Variants in LUZP2 observed in about 807,000 individuals in gnomAD.
LUZP2 encodes leucine zipper protein 2.
LUZP2 carries 52 observed loss-of-function variants against 51.6 expected under a neutral mutation model. The observed-to-expected ratio is 1.01, with a 90% CI of 0.81 to 1.27. The LOEUF is 1.27. LUZP2 is among the 50% of genes most tolerant of loss of function. LUZP2 has a pLI of 0.00. For synonymous variants in LUZP2, 154 were observed against 137.3 expected (o/e 1.12, Z -0.85); for missense variants, 436 against 395.4 (o/e 1.10, Z -0.87).
intron 9 of LUZP2, among the ~76,000 whole-genome samples, chr11:25,005,758 G>T (rs559569875): frequency 9.2e-5 from 14 of 152,262 alleles, no homozygotes; most frequent in African/African-American, 2.9e-4. Context: ...GTCGGATTTA[G>T]TGGCCCTTAC....
intron 1 of LUZP2, among the ~76,000 whole-genome samples, chr11:24,630,062 C>T (rs931242574): frequency 1.3e-5 from 2 of 151,108 alleles, no homozygotes; most frequent in South Asian, 2.1e-4. Context: ...TTTACTGAGT[C>T]GTTGAAGTTT....
chr11:24,527,567 T>TCTCTCACACA lies in LUZP2; in HGVS notation c.62+30263_62+30264insTCTCACACAC, dbSNP rs796404136. Among the ~76,000 whole-genome samples, 114 of 131,644 alleles carry TCTCTCACACA rather than the reference T, an allele frequency of 8.7e-4. 1 individual carries two copies. The South Asian group carries it at 0.02, about 23-fold the overall frequency. 86.4% of individuals were successfully genotyped at this position (131,644 alleles called of 152,430 possible). On this transcript the variant is annotated intron_variant, in intron 1 of 11. Transcript: ENST00000336930. ...AAATAAGAATCTCTCTCTCTCTCTCTCACACACACACACACACACACACAC... is the reference window on the plus strand; with the variant it reads ...AAATAAGAATCTCTCTCTCTCTCTCTCTCTCACACACACACACACACACACACACACACAC...
At chr11:24,894,496 T>C (rs1852969571) in intron 5 of LUZP2, among the ~76,000 whole-genome samples, 1 of 151,952 alleles carries the variant, frequency 6.6e-6, no homozygotes, top group South Asian at 2.1e-4. Context: ...ACTTTTATTA[T>C]AGATTAAAGG....
intron 9 of LUZP2, among the ~76,000 whole-genome samples, chr11:25,025,584 C>T (rs571622735): frequency 6.6e-6 from 1 of 152,170 alleles, no homozygotes; most frequent in East Asian, 1.9e-4. Context: ...AAATCAAAAC[C>T]ACAATGAGAT....
chr11:24,959,417 C>T (rs1326120264), intron 7 of LUZP2, among the ~76,000 whole-genome samples: 1 of 152,028 alleles, frequency 6.6e-6, no homozygotes, highest in Admixed American at 6.6e-5. Context: ...TGTTTGTATC[C>T]TCTTTTATTT....
chr11:24,926,096 C>A (rs980240181), intron 7 of LUZP2, among the ~76,000 whole-genome samples: 1 of 151,330 alleles, frequency 6.6e-6, no homozygotes, highest in Non-Finnish European at 1.5e-5. Context: ...TGATGAGTAT[C>A]CCATGGTGTG....
intron 1 of LUZP2, among the ~76,000 whole-genome samples, chr11:24,562,993 A>G (rs11028020): frequency 0.41 from 62,420 of 152,128 alleles, 13,272 homozygotes; most frequent in Middle Eastern, 0.51. Flanking sequence ...TCTGCAAACT[A>G]CTTGCAAAAA....
intron 5 of LUZP2, among the ~76,000 whole-genome samples, chr11:24,902,069 C>A (rs539082276): frequency 6.6e-6 from 1 of 152,138 alleles, no homozygotes; most frequent in African/African-American, 2.4e-5. Flanking sequence ...TTATTTAGTC[C>A]AAAGGGTTTT....
intron 1 of LUZP2, among the ~76,000 whole-genome samples, chr11:24,532,552 C>T (rs926028062): frequency 1.3e-5 from 2 of 150,946 alleles, no homozygotes; most frequent in Admixed American, 6.6e-5. Flanking sequence ...TTCATCAAAA[C>T]ACAAAAAAGT....
At chr11:24,983,657 A>G (rs557885324) in intron 9 of LUZP2, among the ~76,000 whole-genome samples, 1 of 151,804 alleles carries the variant, frequency 6.6e-6, no homozygotes, top group East Asian at 1.9e-4. Flanking sequence ...AAGTATCTTC[A>G]GAAAGGTAAA....
At chr11:24,623,436 T>G (rs974415928) in intron 1 of LUZP2, among the ~76,000 whole-genome samples, 1 of 152,172 alleles carries the variant, frequency 6.6e-6, no homozygotes, top group Non-Finnish European at 1.5e-5. Flanking sequence ...CATATAGAAG[T>G]TGAATGGAAT....
At chr11:24,944,649 G>C (rs576746401) in intron 7 of LUZP2, among the ~76,000 whole-genome samples, 2 of 152,140 alleles carry the variant, frequency 1.3e-5, no homozygotes, top group African/African-American at 4.8e-5. Flanking sequence ...ATTGGAAGGA[G>C]AAGTAGCAAT....
intron 1 of LUZP2, among the ~76,000 whole-genome samples, chr11:24,661,159 T>G (rs1411307205): frequency 1.3e-5 from 2 of 152,048 alleles, no homozygotes; most frequent in Non-Finnish European, 2.9e-5. Flanking sequence ...TTTTTACATT[T>G]TTTTTTGAAA....
At chr11:24,550,178 T>C (rs1462321157) in intron 1 of LUZP2, among the ~76,000 whole-genome samples, 1 of 152,114 alleles carries the variant, frequency 6.6e-6, no homozygotes, top group Non-Finnish European at 1.5e-5. Flanking sequence ...TGCTAGCTCT[T>C]CTGATACTAA....
At chr11:25,062,129 G>A (rs1590888100) in intron 10 of LUZP2, among the ~76,000 whole-genome samples, 1 of 150,726 alleles carries the variant, frequency 6.6e-6, no homozygotes, top group South Asian at 2.1e-4. Context: ...GAAAAAGGAG[G>A]GAGACAGGAG....
intron 5 of LUZP2, chr11:24,786,549 A>T: frequency 2.1e-6 from 1 of 467,672 alleles, no homozygotes; most frequent in Non-Finnish European, 2.8e-6. Flanking sequence ...ATAATATATA[A>T]ACAGGTGTAT....
At chr11:24,915,766 G>T (rs1173005418) in intron 7 of LUZP2, among the ~76,000 whole-genome samples, 7 of 151,914 alleles carry the variant, frequency 4.6e-5, no homozygotes, top group Non-Finnish European at 1.5e-5. Context: ...TGTTAGGTTA[G>T]TGCAAGAGTA....
At chr11:24,606,609 T>A (rs933320326) in intron 1 of LUZP2, among the ~76,000 whole-genome samples, 2 of 151,970 alleles carry the variant, frequency 1.3e-5, no homozygotes, top group African/African-American at 4.8e-5. Context: ...AACATGGGGG[T>A]GAGGATATCT....
intron 1 of LUZP2, among the ~76,000 whole-genome samples, chr11:24,576,576 C>CA (rs5790418): frequency 0.4 from 59,899 of 151,564 alleles, 12,068 homozygotes; most frequent in Middle Eastern, 0.52. Context: ...TTGAGATTTT[C>CA]TAAAGATTTG....
Sources: allele counts gnomAD v4.1 joint callset (sites outside exome capture counted in the v4.1 genomes callset), GRCh38; gene constraint gnomAD v4.1.1; transcripts MANE v1.5; gene names NCBI Gene and HGNC (gene_info 2026-07-23, HGNC 2026-07-21).